Variants in ISM1 observed in about 807,000 individuals in gnomAD.
ISM1 encodes the protein isthmin-1.
ISM1 carries 25 observed loss-of-function variants against 46.3 expected under a neutral mutation model. The ratio of observed to expected loss-of-function variants is 0.54; its 90% confidence interval spans 0.39 to 0.75. The LOEUF is 0.75. Among genes scored for constraint, ISM1 ranks in the 30% least tolerant of loss-of-function variants. The pLI is 0.00. For synonymous variants in ISM1, 255 were observed against 256.7 expected, an observed-to-expected ratio of 0.99 and a Z score of 0.06; for missense variants, 536 against 625.4, an observed-to-expected ratio of 0.86 and a Z score of 1.52.
At chr20:13,284,388 A>G (rs2040269188) in intron 3 of ISM1, among the ~76,000 whole-genome samples, 1 of 152,172 alleles carries the variant, frequency 6.6e-6, no homozygotes, top group South Asian at 2.1e-4. Flanking sequence ...TCCTTGAGTT[A>G]TTTGATGTCA....
At chr20:13,306,500 T>TTTTG in the ISM1 span, among the ~76,000 whole-genome samples, 8 of 151,294 alleles carry the variant, frequency 5.3e-5, no homozygotes, top group Non-Finnish European at 1.0e-4. Context: ...TGGTGGTGTT[T>TTTTG]TTTGTTTGTT....
chr20:13,225,067 A>T (rs573572167), intron 1 of ISM1, among the ~76,000 whole-genome samples: 19 of 149,844 alleles, frequency 1.3e-4, no homozygotes, highest in South Asian at 8.5e-4. Flanking sequence ...GTTAGCCAGG[A>T]TGGTCTCACT....
intron 2 of ISM1, among the ~76,000 whole-genome samples, chr20:13,273,054 A>G (rs2040133882): frequency 1.3e-5 from 2 of 152,084 alleles, no homozygotes; most frequent in Non-Finnish European, 2.9e-5. Flanking sequence ...GATGCGGGAG[A>G]ACGGAAGGCT....
chr20:13,295,013 C>T (rs549102761), intron 5 of ISM1, among the ~76,000 whole-genome samples: 1 of 152,210 alleles, frequency 6.6e-6, no homozygotes, highest in East Asian at 1.9e-4. Flanking sequence ...TTTTTCTCTT[C>T]CTCGTTCTAT....
chr20:13,288,548 G>A lies in ISM1; in HGVS notation c.652G>A (p.Asp218Asn). ...TKDQPEYDSTDGEGDWSLWSV... is the reference protein window; with the variant it reads ...TKDQPEYDSTNGEGDWSLWSV... ...CCCTGGCTGTCTTCCAGATTCCACAGATGGCGAGGGTGACTGGAGTCTCTG... is the reference window on the plus strand; with the variant it reads ...CCCTGGCTGTCTTCCAGATTCCACAAATGGCGAGGGTGACTGGAGTCTCTG... Residue 218 changes from aspartate to asparagine, a missense_variant, in exon 4 of 6, where the codon GAT (aspartate) becomes AAT (asparagine). This residue lies in a region of ISM1 where 367 missense variants were observed against 376.1 expected (regional missense o/e 0.98). Transcript: ENST00000262487. 6.2e-7 allele frequency: 1 copy of A among 1,613,792 alleles called. No homozygotes were observed. Among genetic ancestry groups the A allele is most frequent in the South Asian group, 1.1e-5 (1 of 91,054 alleles).
chr20:13,306,564 CAAAAAAAAA>C, the ISM1 span, among the ~76,000 whole-genome samples: 18 of 63,910 alleles, frequency 2.8e-4, no homozygotes, highest in South Asian at 3.9e-3. Context: ...GGAGAAAGGA[CAAAAAAAAA>C]AAAAAAAAAA....
At chr20:13,321,067 T>C in the ISM1 span, among the ~76,000 whole-genome samples, 1 of 151,502 alleles carries the variant, frequency 6.6e-6, no homozygotes, top group African/African-American at 2.4e-5. Flanking sequence ...GGCATGGTGG[T>C]ACGTGCCTGT....
chr20:13,301,994 A>G (rs2040461985), downstream of ISM1, among the ~76,000 whole-genome samples: 1 of 152,232 alleles, frequency 6.6e-6, no homozygotes, highest in South Asian at 2.1e-4. Flanking sequence ...TATTTGTAAT[A>G]AGAAAATAGT....
the ISM1 span, among the ~76,000 whole-genome samples, chr20:13,322,830 G>C: frequency 6.6e-6 from 1 of 152,030 alleles, no homozygotes; most frequent in Non-Finnish European, 1.5e-5. Flanking sequence ...CTTGAAAACA[G>C]TCCTGGCAAA....
At chr20:13,224,170 C>A (rs149614035) in intron 1 of ISM1, among the ~76,000 whole-genome samples, 1 of 152,134 alleles carries the variant, frequency 6.6e-6, no homozygotes, top group African/African-American at 2.4e-5. Context: ...TTCGGTGAGA[C>A]TGTCCACTCA....
intron 1 of ISM1, among the ~76,000 whole-genome samples, chr20:13,250,901 C>A (rs1429406649): frequency 6.6e-6 from 1 of 152,146 alleles, no homozygotes; most frequent in East Asian, 1.9e-4. Context: ...TCTAGGTCTC[C>A]TTTGCCCCCA....
rs183917162 is a variant in ISM1, at chr20:13,282,802, G to A, written c.643+2904G>A. ...CCGGGCCTTGTTAAAATGCACCTTC[G>A]ATGCAATAGGTATAAGAAAAGGGCA... is the stretch of plus-strand genomic sequence containing the variant. On this transcript the variant is annotated intron_variant, in intron 3 of 5. Coordinates refer to ENST00000262487, the MANE Select transcript of ISM1 (RefSeq NM_080826.2). 4.8e-4 allele frequency among the ~76,000 whole-genome samples: 73 copies of A among 152,278 alleles called. 1 individual carries two copies. The East Asian group carries it at 9.1e-3, about 19-fold the overall frequency.
At position 13,299,065 on chromosome 20, in the gene ISM1, C is replaced by G. The variant is rs776466599; in HGVS notation, c.1001C>G (p.Thr334Arg). The change falls in exon 6 of 6, where the codon ACG becomes AGG. Residue 334 changes from threonine (T) to arginine (R), a missense_variant. Thr to Arg is a moderately conservative substitution (Grantham distance 71). Coordinates refer to ENST00000262487, the MANE Select transcript of ISM1 (RefSeq NM_080826.2). The surrounding 1 kb of genome is among the most constrained non-coding windows in gnomAD (Gnocchi z 5.8). ...TACCCCACTGAGGTGGCCTACAGCA[C>G]GGCCGACATCTTCGACCGCATCAAG... is the stretch of plus-strand genomic sequence containing the variant. ...CSYPTEVAYS[T>R]ADIFDRIKRK... The G allele has an allele frequency of 3.1e-6, 5 of 1,613,714 alleles. No individual in the cohort carries two copies. The highest frequency in any genetic ancestry group is 4.2e-6 in the Non-Finnish European group (5 of 1,179,848).
At chr20:13,273,904 G>A (rs560351014) in intron 2 of ISM1, among the ~76,000 whole-genome samples, 4 of 152,156 alleles carry the variant, frequency 2.6e-5, no homozygotes, top group South Asian at 2.1e-4. Context: ...ATCTGATGAC[G>A]TTTTGGCCCT....
At chr20:13,233,085 G>T (rs959701588) in intron 1 of ISM1, among the ~76,000 whole-genome samples, 10 of 151,740 alleles carry the variant, frequency 6.6e-5, no homozygotes, top group Non-Finnish European at 1.5e-4. Context: ...CTTCTCCCGT[G>T]TCCTGCTGTC....
At position 13,292,362 on chromosome 20, in the gene ISM1, G is replaced by T; in HGVS notation, c.788-12G>T. On this transcript the variant is annotated splice_polypyrimidine_tract_variant and intron_variant, in intron 4 of 5. Coordinates refer to ENST00000262487, the MANE Select transcript of ISM1 (RefSeq NM_080826.2). ...TGTAATGATGGAAAAATGAGCTCTT[G>T]TCTGTGTTTAGGAATTGAAGACACT... is the stretch of plus-strand genomic sequence containing the variant. The T allele has an allele frequency of 6.4e-7, 1 of 1,565,254 alleles. No homozygotes were observed. Among genetic ancestry groups the T allele is most frequent in the African/African-American group, 1.3e-5 (1 of 74,084 alleles).
At chr20:13,272,300 C>T (rs2040124344) in intron 2 of ISM1, among the ~76,000 whole-genome samples, 1 of 152,166 alleles carries the variant, frequency 6.6e-6, no homozygotes, top group Admixed American at 6.5e-5. Context: ...AGTTGTTTTG[C>T]TCTTAACACC....
intron 4 of ISM1, among the ~76,000 whole-genome samples, chr20:13,291,899 T>C (rs2040356687): frequency 6.6e-6 from 1 of 152,130 alleles, no homozygotes; most frequent in Non-Finnish European, 1.5e-5. Flanking sequence ...CTCTAGGAGG[T>C]AGGGCAATTT....
chr20:13,258,189 A>T (rs2039949078), intron 1 of ISM1, among the ~76,000 whole-genome samples: 1 of 152,172 alleles, frequency 6.6e-6, no homozygotes, highest in Admixed American at 6.5e-5. Flanking sequence ...TTTCTTGGGC[A>T]CATGATCTGC....
Sources: gnomAD v4.1 joint callset for allele counts (sites outside exome capture counted in the v4.1 genomes callset) on GRCh38, gnomAD v4.1.1 for gene constraint, gnomAD v4.1.1 regional missense constraint, Gnocchi (gnomAD v3.1) non-coding constraint, MANE v1.5 for transcripts, NCBI Gene and HGNC (gene_info 2026-07-23, HGNC 2026-07-21) for gene names.